Variants in SMYD3 observed in about 807,000 individuals in gnomAD.
SMYD3 encodes SET and MYND domain containing 3.
In SMYD3, 36 loss-of-function variants were observed where a neutral mutation model predicts 57.7. The ratio of observed to expected loss-of-function variants is 0.62; its 90% CI spans 0.48 to 0.82. The LOEUF (loss-of-function observed/expected upper bound fraction) is 0.82, where lower values mean the gene tolerates loss of function less well. Ranked by LOEUF, SMYD3 falls within the 40% of genes least tolerant of loss-of-function variation. The pLI is 0.00. For missense variants in SMYD3, 515 were observed against 538.8 expected, an observed-to-expected ratio of 0.96 and a Z score of 0.44; for synonymous variants, 211 against 195.0, an observed-to-expected ratio of 1.08 and a Z score of -0.68.
intron 5 of SMYD3, among the ~76,000 whole-genome samples, chr1:246,064,034 A>G (rs2060300282): frequency 6.6e-6 from 1 of 152,116 alleles, no homozygotes; most frequent in Non-Finnish European, 1.5e-5. Flanking sequence ...CCCAATTCCT[A>G]CTTCTTCACT....
intron 5 of SMYD3, among the ~76,000 whole-genome samples, chr1:245,964,327 C>T (rs1336729957): frequency 1.3e-5 from 2 of 152,132 alleles, no homozygotes; most frequent in Non-Finnish European, 2.9e-5. Flanking sequence ...ACATAAGCTT[C>T]GGAGGGGACA....
intron 11 of SMYD3, among the ~76,000 whole-genome samples, chr1:245,756,625 A>G (rs934101560): frequency 2.0e-5 from 3 of 152,042 alleles, no homozygotes; most frequent in African/African-American, 7.2e-5. Context: ...TTGCTGGACA[A>G]CATACATTCT....
At chr1:246,238,350 C>T (rs570289895) in intron 5 of SMYD3, among the ~76,000 whole-genome samples, 1 of 152,220 alleles carries the variant, frequency 6.6e-6, no homozygotes, top group Non-Finnish European at 1.5e-5. Flanking sequence ...CGATGCATTC[C>T]TATATTTACT....
chr1:246,060,507 T>G (rs1241017222), intron 5 of SMYD3, among the ~76,000 whole-genome samples: 1 of 152,132 alleles, frequency 6.6e-6, no homozygotes, highest in Admixed American at 6.5e-5. Context: ...CAAAATGTCT[T>G]TCTTGATTTC....
chr1:245,755,584 T>C (rs1305917417), intron 11 of SMYD3, among the ~76,000 whole-genome samples: 1 of 152,228 alleles, frequency 6.6e-6, no homozygotes, highest in Non-Finnish European at 1.5e-5. Context: ...TGCATACATA[T>C]TTAGTACTAC....
intron 5 of SMYD3, among the ~76,000 whole-genome samples, chr1:246,148,064 C>A (rs1251436702): frequency 1.3e-5 from 2 of 151,500 alleles, no homozygotes; most frequent in African/African-American, 4.9e-5. Context: ...CGGCAGTCCC[C>A]GTAAGGCCCC....
chr1:246,114,920 G>A lies in SMYD3; in HGVS notation c.532-184983C>T, dbSNP rs918241482. ...ACTAGGATTACAGGCGTGAGCCTCC[G>A]CACCCGGCCTAAACTTGGTTTTAAC... On this transcript the variant is annotated intron_variant, in intron 5 of 11. Transcript: ENST00000490107. Among the ~76,000 whole-genome samples, 3 of 152,056 alleles carry A rather than the reference G, an allele frequency of 2.0e-5. No homozygotes were observed. In the East Asian group the frequency reaches 5.8e-4, roughly 29 times the overall value.
intron 5 of SMYD3, among the ~76,000 whole-genome samples, chr1:246,191,445 C>A (rs557794695): frequency 6.6e-6 from 1 of 152,228 alleles, no homozygotes; most frequent in African/African-American, 2.4e-5. Context: ...CAGAAAGACA[C>A]TGCATTTTTA....
chr1:245,856,794 GC>G (rs1287995595), intron 10 of SMYD3, among the ~76,000 whole-genome samples: 2 of 152,186 alleles, frequency 1.3e-5, no homozygotes, highest in Non-Finnish European at 1.5e-5. Context: ...TGCAGCGCTA[GC>G]CAAGAGTGAG....
chr1:246,309,038 T>C (rs1028151818), intron 5 of SMYD3, among the ~76,000 whole-genome samples: 1 of 152,146 alleles, frequency 6.6e-6, no homozygotes, highest in Non-Finnish European at 1.5e-5. Context: ...TTATTTGCAC[T>C]AAAAGTTTTT....
At chr1:245,950,839 C>T (rs2057606861) in intron 5 of SMYD3, among the ~76,000 whole-genome samples, 1 of 152,150 alleles carries the variant, frequency 6.6e-6, no homozygotes, top group South Asian at 2.1e-4. Context: ...TATTTGCAAA[C>T]GTAAATTCAC....
chr1:245,774,343 C>CA (rs971289342), intron 10 of SMYD3, among the ~76,000 whole-genome samples: 27 of 152,256 alleles, frequency 1.8e-4, no homozygotes, highest in African/African-American at 6.3e-4. Context: ...CAGAAGGAAA[C>CA]AGATTACATG....
At chr1:246,381,841 G>A (rs1001027040) in intron 1 of SMYD3, among the ~76,000 whole-genome samples, 4 of 152,088 alleles carry the variant, frequency 2.6e-5, no homozygotes, top group Admixed American at 6.5e-5. Flanking sequence ...CAGGCCAACC[G>A]CAGGCTCCAG....
intron 5 of SMYD3, among the ~76,000 whole-genome samples, chr1:245,951,123 G>T (rs2057622041): frequency 6.6e-6 from 1 of 152,072 alleles, no homozygotes; most frequent in South Asian, 2.1e-4. Flanking sequence ...AAAACAAGGA[G>T]GCACATTGTT....
At chr1:246,044,457 C>A (rs1021055975) in intron 5 of SMYD3, among the ~76,000 whole-genome samples, 1 of 152,128 alleles carries the variant, frequency 6.6e-6, no homozygotes, top group Admixed American at 6.6e-5. Flanking sequence ...AGTACAAGAA[C>A]TTGCAAATAA....
At chr1:246,028,825 C>G (rs2059619678) in intron 5 of SMYD3, among the ~76,000 whole-genome samples, 1 of 152,128 alleles carries the variant, frequency 6.6e-6, no homozygotes. Flanking sequence ...TACCTGACTT[C>G]AAAATATGCT....
chr1:245,923,964 G>C (rs1486845584), intron 7 of SMYD3, among the ~76,000 whole-genome samples: 2 of 152,210 alleles, frequency 1.3e-5, no homozygotes, highest in South Asian at 2.1e-4. Context: ...AGAAGAAACA[G>C]ACTGTCTTAA....
chr1:246,327,037 A>C, intron 5 of SMYD3, 164 bp downstream of exon 5: 1 of 784,336 alleles, frequency 1.3e-6, no homozygotes, highest in Non-Finnish European at 2.1e-6. Context: ...CTCAATGCAC[A>C]CAATACATTC....
chr1:246,213,492 A>C (rs2063120061), intron 5 of SMYD3, among the ~76,000 whole-genome samples: 1 of 152,178 alleles, frequency 6.6e-6, no homozygotes, highest in South Asian at 2.1e-4. Context: ...CCCATTGCAA[A>C]GGAATAACAT....
Sources: gnomAD v4.1 joint callset for allele counts (sites outside exome capture counted in the v4.1 genomes callset) on GRCh38, gnomAD v4.1.1 for gene constraint, MANE v1.5 for transcripts, NCBI Gene and HGNC (gene_info 2026-07-23, HGNC 2026-07-21) for gene names.